GNG7: variants seen among roughly 807,000 people sequenced by gnomAD.
GNG7 encodes the protein guanine nucleotide-binding protein G(I)/G(S)/G(O) subunit gamma-7.
A neutral mutation model predicts 4.0 loss-of-function variants in GNG7; 1 was observed. The observed-to-expected ratio is 0.25, with a 90% CI of 0.09 to 1.18. The LOEUF (loss-of-function observed/expected upper bound fraction) is 1.18. GNG7 is among the 50% of genes most tolerant of loss of function. The pLI is 0.50. For missense variants in GNG7, 86 were observed against 91.9 expected (o/e 0.94, Z 0.26); for synonymous variants, 34 against 36.9 (o/e 0.92, Z 0.29).
chr19:2,644,369 ATATATATATAT>A (rs1568272553), intron 2 of GNG7, among the ~76,000 whole-genome samples: 4 of 19,930 alleles, frequency 2.0e-4, no homozygotes, highest in Non-Finnish European at 3.0e-4. Context: ...ATATATATAT[ATATATATATAT>A]AATGCTCTAT....
In GNG7 at chr19:2,608,240, T is replaced by G. The variant is rs184494282; in HGVS notation, c.-78+37984A>C. On this transcript the variant is annotated intron_variant, in intron 2 of 4. Coordinates refer to ENST00000382159, the MANE Select transcript of GNG7 (RefSeq NM_052847.3). The stretch of plus-strand genomic sequence containing the variant: ...GGTGGAGGAAAAGAGCGGGGATGTC[T>G]GAGGAGCAGAAAGACCGAAACGCAA... Among the ~76,000 whole-genome samples, 610 of 151,490 alleles carry G rather than the reference T, an allele frequency of 4.0e-3. 7 individuals are homozygous for G. Among genetic ancestry groups the G allele is most frequent in the African/African-American group, 0.014 (585 of 41,258 alleles).
At chr19:2,639,171 T>C (rs1599435067) in intron 2 of GNG7, among the ~76,000 whole-genome samples, 1 of 148,446 alleles carries the variant, frequency 6.7e-6, no homozygotes, top group Admixed American at 6.7e-5. Context: ...AAGGAGGAGG[T>C]GGCAGTGAAC....
At chr19:2,694,287 G>GA (rs576542716) in intron 1 of GNG7, among the ~76,000 whole-genome samples, 5 of 148,530 alleles carry the variant, frequency 3.4e-5, no homozygotes, top group Non-Finnish European at 6.0e-5. Context: ...GTTTTTAGGG[G>GA]AAAAAAAAAA....
intron 2 of GNG7, among the ~76,000 whole-genome samples, chr19:2,644,327 T>TA (rs1982600107): frequency 8.7e-5 from 10 of 114,496 alleles, no homozygotes; most frequent in African/African-American, 2.0e-4. Context: ...GGCCTACACT[T>TA]TATATATATA....
At chr19:2,607,320 C>G (rs773896324) in intron 2 of GNG7, among the ~76,000 whole-genome samples, 36 of 151,498 alleles carry the variant, frequency 2.4e-4, no homozygotes, top group Non-Finnish European at 2.4e-4. Context: ...GAGTTCAAGA[C>G]CAGCCTGGCC....
intron 3 of GNG7, among the ~76,000 whole-genome samples, chr19:2,540,694 C>T (rs1400183940): frequency 6.6e-6 from 1 of 152,180 alleles, no homozygotes; most frequent in Non-Finnish European, 1.5e-5. Context: ...GCCGAGCAGA[C>T]AGCGAGGCCC....
chr19:2,544,779 G>A (rs66701648), intron 3 of GNG7, among the ~76,000 whole-genome samples: 17,652 of 152,146 alleles, frequency 0.12, 1,165 homozygotes, highest in East Asian at 0.29. Context: ...TGTCGGGGTT[G>A]GGGGAGCTCC....
intron 3 of GNG7, among the ~76,000 whole-genome samples, chr19:2,550,525 G>A (rs1979284155): frequency 6.6e-6 from 1 of 152,140 alleles, no homozygotes; most frequent in South Asian, 2.1e-4. Flanking sequence ...ACCGCTCCCG[G>A]CCACCTCTGC....
At chr19:2,530,604 C>T (rs1351265759) in intron 3 of GNG7, among the ~76,000 whole-genome samples, 1 of 150,774 alleles carries the variant, frequency 6.6e-6, no homozygotes, top group African/African-American at 2.4e-5. Flanking sequence ...CCTGTAGTCC[C>T]AGCTACTCAG....
chr19:2,535,753 G>A (rs866281894), intron 3 of GNG7, among the ~76,000 whole-genome samples: 112 of 152,160 alleles, frequency 7.4e-4, no homozygotes, highest in Middle Eastern at 3.4e-3. Flanking sequence ...CCTAGAACAC[G>A]GTACACTCGG....
chr19:2,524,687 C>A (rs4807291), intron 3 of GNG7, among the ~76,000 whole-genome samples: 64,208 of 152,128 alleles, frequency 0.42, 13,912 homozygotes, highest in African/African-American at 0.53. Flanking sequence ...TGCATAGGTG[C>A]ATTTGCATAC....
At position 2,515,034 on chromosome 19, in the gene GNG7, A is replaced by G; in HGVS notation, c.195T>C (p.Cys65=). 1 of 1,613,458 alleles carries G rather than the reference A, an allele frequency of 6.2e-7. No homozygotes were observed. The highest frequency in any genetic ancestry group is 8.5e-7 in the Non-Finnish European group (1 of 1,179,420). Residue 65 remains cysteine (C), a synonymous_variant, in exon 5 of 5, where the codon TGT becomes TGC. Coordinates refer to ENST00000382159, the MANE Select transcript of GNG7 (RefSeq NM_052847.3). ...TATGAGAACACAGTTATAAAATAAT[A>G]CAAGGTTTCTTGTCCTTAAAGGGGT... ...SENPFKDKKP[C]IIL is the part of the protein sequence containing the mutation.
chr19:2,631,223 GCA>G (rs1982150839), intron 2 of GNG7, among the ~76,000 whole-genome samples: 3 of 152,190 alleles, frequency 2.0e-5, no homozygotes, highest in Admixed American at 1.3e-4. Context: ...GTTCAGAAAA[GCA>G]CAGAGATGGC....
chr19:2,538,767 T>A lies in GNG7; in HGVS notation c.-38+16382A>T, dbSNP rs940960776. On this transcript the variant is annotated intron_variant, in intron 3 of 4. Coordinates refer to ENST00000382159, the MANE Select transcript of GNG7 (RefSeq NM_052847.3). ...CAGACTTCCTAGATATATATATTTT[T>A]CTTTTTTTTCTTTTTTTTTGAGACG... 3.8e-5 allele frequency: 14 copies of A among 368,720 alleles called. No individual in the cohort carries two copies. In the Admixed American group the frequency reaches 4.8e-4, roughly 13 times the overall value. 22.8% of individuals were successfully genotyped at this position (368,720 alleles called of 1,614,324 possible). A position where few individuals can be genotyped will look rare whatever the true frequency, so the allele number is the denominator to read the frequency against.
intron 2 of GNG7, among the ~76,000 whole-genome samples, chr19:2,556,389 G>A (rs1355102004): frequency 1.3e-5 from 2 of 152,204 alleles, no homozygotes; most frequent in South Asian, 2.1e-4. Context: ...GGGCTGGGCC[G>A]GGTTCACGTG....
chr19:2,615,367 C>G (rs2144826985), intron 2 of GNG7, among the ~76,000 whole-genome samples: 1 of 151,994 alleles, frequency 6.6e-6, no homozygotes, highest in African/African-American at 2.4e-5. Flanking sequence ...GCAAGGATGT[C>G]CTCTCCTTAG....
At chr19:2,675,462 C>T (rs1307616143) in intron 1 of GNG7, among the ~76,000 whole-genome samples, 1 of 152,124 alleles carries the variant, frequency 6.6e-6, no homozygotes, top group Non-Finnish European at 1.5e-5. Context: ...CAGGAGAGGT[C>T]GCTTGACGGT....
intron 2 of GNG7, among the ~76,000 whole-genome samples, chr19:2,602,958 TTCTC>T (rs532541591): frequency 2.3e-4 from 33 of 146,226 alleles, no homozygotes; most frequent in Non-Finnish European, 4.3e-4. Context: ...TTTCTTTTCT[TTCTC>T]TTTCTTTCTT....
intron 2 of GNG7, among the ~76,000 whole-genome samples, chr19:2,556,452 G>T (rs1486028599): frequency 6.6e-6 from 1 of 152,226 alleles, no homozygotes. Flanking sequence ...TCTGAAGCCG[G>T]CCAGGCCCCT....
Sources: gnomAD v4.1 joint callset for allele counts (sites outside exome capture counted in the v4.1 genomes callset) on GRCh38, gnomAD v4.1.1 for gene constraint, MANE v1.5 for transcripts, NCBI Gene and HGNC (gene_info 2026-07-23, HGNC 2026-07-21) for gene names.